ARHGAP26: variants seen among roughly 807,000 people sequenced by gnomAD.
ARHGAP26 encodes rho GTPase-activating protein 26.
In ARHGAP26, 38 loss-of-function variants were observed where a neutral mutation model predicts 104.8. That is an observed-to-expected ratio of 0.36 (90% CI 0.28 to 0.48). The LOEUF (loss-of-function observed/expected upper bound fraction) is 0.48. ARHGAP26 is among the 20% of genes least tolerant of loss of function. The pLI, the probability that ARHGAP26 is intolerant of heterozygous loss-of-function variation, is 0.99. For missense variants in ARHGAP26, 704 were observed against 947.9 expected (o/e 0.74, Z 3.38); for synonymous variants, 341 against 340.0 (o/e 1.00, Z -0.03).
In ARHGAP26 at chr5:143,224,403, G is replaced by A. The variant is rs1212181048; in HGVS notation, c.*1957G>A. 4.4e-6 allele frequency: 1 copy of A among 228,924 alleles called. No homozygotes were observed. The highest frequency in any genetic ancestry group is 2.2e-5 in the African/African-American group (1 of 45,050). 14.2% of individuals were successfully genotyped at this position (228,924 alleles called of 1,614,324 possible). On this transcript the variant is annotated 3_prime_UTR_variant, in exon 23 of 23. Coordinates refer to ENST00000645722, the MANE Select transcript of ARHGAP26 (RefSeq NM_001135608.3). ...TTTATGTGTTTTTAAGCATCCCTTG[G>A]GCTTTGGATTTGGAGATGGGAAGAG...
At chr5:143,067,793 C>T (rs1299872779) in intron 17 of ARHGAP26, among the ~76,000 whole-genome samples, 2 of 152,132 alleles carry the variant, frequency 1.3e-5, no homozygotes, top group Non-Finnish European at 2.9e-5. Flanking sequence ...AAATGGGGCA[C>T]CCTAGGCCTC....
chr5:142,789,831 C>G (rs891345836), intron 1 of ARHGAP26, among the ~76,000 whole-genome samples: 2 of 152,102 alleles, frequency 1.3e-5, no homozygotes, highest in Non-Finnish European at 2.9e-5. Flanking sequence ...GGATCTAGGA[C>G]AAGGGAACCC....
chr5:142,869,343 G>T (rs1457703384), intron 1 of ARHGAP26, among the ~76,000 whole-genome samples: 7 of 151,674 alleles, frequency 4.6e-5, no homozygotes, highest in Admixed American at 1.3e-4. Flanking sequence ...GAGTAGCTGG[G>T]ATTACAGGTG....
At chr5:143,099,627 ACT>A (rs1484773590) in intron 17 of ARHGAP26, among the ~76,000 whole-genome samples, 1 of 152,194 alleles carries the variant, frequency 6.6e-6, no homozygotes, top group East Asian at 1.9e-4. Context: ...TTGTATACTC[ACT>A]CTGTGTGCAC....
chr5:142,982,549 G>T (rs1225122040), intron 11 of ARHGAP26, among the ~76,000 whole-genome samples: 1 of 152,166 alleles, frequency 6.6e-6, no homozygotes, highest in Non-Finnish European at 1.5e-5. Context: ...TGTGGAATTG[G>T]CTGAATAGCG....
intron 20 of ARHGAP26, among the ~76,000 whole-genome samples, chr5:143,164,032 G>T (rs1362773406): frequency 6.7e-6 from 1 of 149,998 alleles, no homozygotes; most frequent in Non-Finnish European, 1.5e-5. Context: ...TTTATCTTTA[G>T]GTTGTATTTG....
intron 12 of ARHGAP26, among the ~76,000 whole-genome samples, chr5:143,025,379 G>A (rs1225042662): frequency 6.6e-6 from 1 of 152,136 alleles, no homozygotes; most frequent in Non-Finnish European, 1.5e-5. Flanking sequence ...AAAGCATTTC[G>A]AGGTAAGAAG....
chr5:142,884,485 C>A (rs1211736464), intron 4 of ARHGAP26, among the ~76,000 whole-genome samples: 1 of 152,174 alleles, frequency 6.6e-6, no homozygotes, highest in Non-Finnish European at 1.5e-5. Flanking sequence ...TACCCCATTA[C>A]CATAACTCAG....
At chr5:142,906,053 C>T (rs1043267032) in intron 8 of ARHGAP26, among the ~76,000 whole-genome samples, 1 of 152,184 alleles carries the variant, frequency 6.6e-6, no homozygotes, top group Admixed American at 6.6e-5. Context: ...AGTCCAGTTC[C>T]TTTATACAGT....
chr5:143,014,142 CT>C, intron 12 of ARHGAP26, 26 bp downstream of exon 12: 1 of 1,613,738 alleles, frequency 6.2e-7, no homozygotes, highest in Non-Finnish European at 8.5e-7. Context: ...GGGTAACCTT[CT>C]ACAGCCAGGG....
intron 5 of ARHGAP26, among the ~76,000 whole-genome samples, chr5:142,888,381 T>A (rs1758017369): frequency 6.6e-6 from 1 of 152,222 alleles, no homozygotes; most frequent in Non-Finnish European, 1.5e-5. Flanking sequence ...GGAAGGACCT[T>A]AGTGATCATC....
rs538854488 is a variant in ARHGAP26, at chr5:143,224,381, A to C, written c.*1935A>C. 5 of 229,646 alleles carry C rather than the reference A, an allele frequency of 2.2e-5. No individual in the cohort carries two copies. Among genetic ancestry groups the C allele is most frequent in the Non-Finnish European group, 3.5e-5 (4 of 115,796 alleles). The allele number at this position is 229,646 out of a possible 1,614,324, so 14.2% of individuals were successfully genotyped here. The stretch of plus-strand genomic sequence containing the variant: ...GACACATCAGTGGTGTTCAGTCTTT[A>C]TGTGTTTTTAAGCATCCCTTGGGCT... On this transcript the variant is annotated 3_prime_UTR_variant, in exon 23 of 23. Coordinates refer to ENST00000645722, the MANE Select transcript of ARHGAP26 (RefSeq NM_001135608.3).
intron 9 of ARHGAP26, 82 bp downstream of exon 9, chr5:142,907,886 C>G: frequency 3.6e-6 from 3 of 836,574 alleles, no homozygotes; most frequent in Non-Finnish European, 5.4e-6. Context: ...GTAACACCTC[C>G]AGTGTTATAT....
chr5:142,928,461 G>A (rs373290768), intron 10 of ARHGAP26, among the ~76,000 whole-genome samples: 7 of 152,038 alleles, frequency 4.6e-5, no homozygotes, highest in Non-Finnish European at 8.8e-5. Flanking sequence ...ATTTAATCCC[G>A]TGCAGGAGCT....
intron 11 of ARHGAP26, among the ~76,000 whole-genome samples, chr5:142,958,565 G>A (rs1396650808): frequency 6.6e-6 from 1 of 152,170 alleles, no homozygotes; most frequent in Non-Finnish European, 1.5e-5. Flanking sequence ...CTACTTGGGA[G>A]GCTGAAGCAG....
At position 142,963,198 on chromosome 5, in the gene ARHGAP26, A is replaced by ATGTGTGTGTGTGTGTGTG. The variant is rs1217350223; in HGVS notation, c.1107+31078_1107+31095dup. 1.1e-3 allele frequency among the ~76,000 whole-genome samples: 107 copies of ATGTGTGTGTGTGTGTGTG among 98,270 alleles called. 1 individual carries two copies. The highest frequency in any genetic ancestry group is 5.8e-3 in the African/African-American group (94 of 16,316). 64.5% of individuals were successfully genotyped at this position (98,270 alleles called of 152,430 possible). A position where few individuals can be genotyped will look rare whatever the true frequency, so the allele number is the denominator to read the frequency against. On this transcript the variant is annotated intron_variant, in intron 11 of 22. Coordinates refer to ENST00000645722, the MANE Select transcript of ARHGAP26 (RefSeq NM_001135608.3). Reference sequence around the variant, plus strand: ...TATATATATATATATATATATATATATGTGTGTGTGTGTGTGTGTGTGCGC... The same window carrying ATGTGTGTGTGTGTGTGTG: ...TATATATATATATATATATATATATATGTGTGTGTGTGTGTGTGTGTGTGTGTGTGTGTGTGTGTGCGC...
At chr5:142,796,840 C>T (rs941765616) in intron 1 of ARHGAP26, among the ~76,000 whole-genome samples, 2 of 152,230 alleles carry the variant, frequency 1.3e-5, no homozygotes, top group African/African-American at 4.8e-5. Context: ...CTGGTACCAT[C>T]CCTGTCCTCC....
chr5:143,075,910 G>A (rs1040871120), intron 17 of ARHGAP26, among the ~76,000 whole-genome samples: 1 of 151,934 alleles, frequency 6.6e-6, no homozygotes, highest in Non-Finnish European at 1.5e-5. Flanking sequence ...TGTTGCCCAG[G>A]CTAGTTTTGA....
chr5:142,939,097 G>A (rs1053580222), intron 11 of ARHGAP26, among the ~76,000 whole-genome samples: 2 of 152,184 alleles, frequency 1.3e-5, no homozygotes, highest in African/African-American at 4.8e-5. Flanking sequence ...GCAGGAAGAA[G>A]CAAGCCCACA....
Sources: gnomAD v4.1 joint callset for allele counts (sites outside exome capture counted in the v4.1 genomes callset) on GRCh38, gnomAD v4.1.1 for gene constraint, MANE v1.5 for transcripts, NCBI Gene and HGNC (gene_info 2026-07-23, HGNC 2026-07-21) for gene names.